The following CACNA1E variants were observed in gnomAD, a reference collection of about 807,000 sequenced individuals.
CACNA1E encodes the protein calcium voltage-gated channel subunit alpha1 E.
CACNA1E carries 40 observed loss-of-function variants against 259.2 expected under a neutral mutation model. That is an observed-to-expected ratio of 0.15 (90% CI 0.12 to 0.20). The LOEUF (loss-of-function observed/expected upper bound fraction) is 0.20. CACNA1E is among the 10% of genes least tolerant of loss of function. CACNA1E has a pLI of 1.00. For missense variants in CACNA1E, 1,874 were observed against 3,040.1 expected (o/e 0.62, Z 9.02); for synonymous variants, 1,104 against 1,138.5 (o/e 0.97, Z 0.61).
chr1:181,442,415 G>T (rs1457246292), intron 2 of CACNA1E, among the ~76,000 whole-genome samples: 2 of 151,546 alleles, frequency 1.3e-5, no homozygotes. Flanking sequence ...TGTGTGAAGG[G>T]TACAGGTATA....
chr1:181,678,726 CTG>C (rs201436804), intron 7 of CACNA1E, among the ~76,000 whole-genome samples: 1,710 of 152,300 alleles, frequency 0.011, 29 homozygotes, highest in African/African-American at 0.037. Context: ...ATTTAATTAG[CTG>C]TGTCACCTTG....
chr1:181,714,179 T>G (rs1234609554), intron 8 of CACNA1E, among the ~76,000 whole-genome samples: 1 of 152,186 alleles, frequency 6.6e-6, no homozygotes. Context: ...TCTGCCTGGC[T>G]GACTACAAAT....
At chr1:181,403,507 T>A (rs1657250949) in intron 1 of CACNA1E, among the ~76,000 whole-genome samples, 1 of 152,040 alleles carries the variant, frequency 6.6e-6, no homozygotes, top group African/African-American at 2.4e-5. Flanking sequence ...TCCATTATTC[T>A]GAGGATTGTT....
At position 181,338,865 on chromosome 1, in the gene CACNA1E, A is replaced by AT. The variant is rs201026797; in HGVS notation, c.-15+20751dup. 6.0e-3 allele frequency among the ~76,000 whole-genome samples: 878 copies of AT among 146,462 alleles called. 6 individuals are homozygous for AT. Among genetic ancestry groups the AT allele is most frequent in the African/African-American group, 0.021 (832 of 39,902 alleles). On this transcript the variant is annotated intron_variant, in intron 1 of 11. Transcript: ENST00000524607. The stretch of plus-strand genomic sequence containing the variant: ...TAGTGTAAATTAAGGGTCCAGTTTC[A>AT]TTTTTTTTTGCCTGTGGATATACAG...
chr1:181,750,372 C>A, intron 25 of CACNA1E, 104 bp from the exon 26 acceptor site: 1 of 965,662 alleles, frequency 1.0e-6, no homozygotes, highest in South Asian at 1.4e-5. Flanking sequence ...GTTCTCTTTT[C>A]TCCCTGAAGT....
chr1:181,434,946 A>G (rs971346694), intron 2 of CACNA1E, among the ~76,000 whole-genome samples: 14 of 152,224 alleles, frequency 9.2e-5, no homozygotes, highest in African/African-American at 2.7e-4. Context: ...CAGTGAAATC[A>G]TGTTGATAAG....
chr1:181,484,327 C>T lies in CACNA1E; in HGVS notation c.266+317C>T, dbSNP rs541585043. On this transcript the variant is annotated intron_variant, in intron 1 of 47. Coordinates refer to ENST00000367573, the MANE Select transcript of CACNA1E (RefSeq NM_001205293.3). ...TCCCCACCCCTACTCCCTTCACATG[C>T]CGCCCTCTACATAGATTGGGTTGCC... Among the ~76,000 whole-genome samples, 21 of 152,270 alleles carry T rather than the reference C, an allele frequency of 1.4e-4. No homozygotes were observed. In the East Asian group the frequency reaches 3.5e-3, roughly 25 times the overall value.
chr1:181,320,456 C>T (rs577179808), intron 1 of CACNA1E, among the ~76,000 whole-genome samples: 34 of 152,258 alleles, frequency 2.2e-4, no homozygotes, highest in Non-Finnish European at 3.4e-4. Flanking sequence ...TGATTGATTG[C>T]TTATTGCTAT....
intron 6 of CACNA1E, among the ~76,000 whole-genome samples, chr1:181,594,015 A>T (rs1425599783): frequency 6.6e-6 from 1 of 152,218 alleles, no homozygotes; most frequent in Non-Finnish European, 1.5e-5. Flanking sequence ...CTGGATTTAA[A>T]CATTGAAAAT....
intron 2 of CACNA1E, among the ~76,000 whole-genome samples, chr1:181,469,709 C>T (rs1422068821): frequency 6.6e-6 from 1 of 151,768 alleles, no homozygotes; most frequent in South Asian, 2.1e-4. Flanking sequence ...ATTTAGGAGG[C>T]AGGAGAAGGA....
Position 181,604,496 on chromosome 1 carries a change from T to G in CACNA1E, c.951+23720T>G, listed in dbSNP as rs374874928. On this transcript the variant is annotated intron_variant, in intron 6 of 47. Transcript: ENST00000367573. ...TGGAAAGTGGGAGGAGAAGGAGCAG[T>G]TGGGTTTGGCCCTTGCAGGCAGTAT... is the stretch of plus-strand genomic sequence containing the variant. Among the ~76,000 whole-genome samples, 6 of 152,148 alleles carry G rather than the reference T, an allele frequency of 3.9e-5. No individual in the cohort carries two copies. In the East Asian group the frequency reaches 9.6e-4, roughly 24 times the overall value.
intron 5 of CACNA1E, among the ~76,000 whole-genome samples, chr1:181,579,505 AAGCCATCTGTCT>A (rs1651306981): frequency 1.3e-5 from 2 of 152,288 alleles, no homozygotes; most frequent in African/African-American, 4.8e-5. Context: ...TGAACTTGAA[AAGCCATCTGTCT>A]GAGCCAGGCA....
chr1:181,545,337 C>G (rs1469544313), intron 3 of CACNA1E, among the ~76,000 whole-genome samples: 2 of 152,166 alleles, frequency 1.3e-5, no homozygotes, highest in South Asian at 4.1e-4. Flanking sequence ...TATTTTTTGA[C>G]TATTTGAAAT....
chr1:181,758,727 T>G lies in CACNA1E; in HGVS notation c.4495-31T>G. The G allele has an allele frequency of 2.4e-6, 3 of 1,263,120 alleles. No homozygotes were observed. The highest frequency in any genetic ancestry group is 3.5e-6 in the Non-Finnish European group (3 of 865,594). The allele number at this position is 1,263,120 out of a possible 1,614,324, so 78.2% of individuals were successfully genotyped here. A position where few individuals can be genotyped will look rare whatever the true frequency, so the allele number is the denominator to read the frequency against. On this transcript the variant is annotated intron_variant, in intron 31 of 47. Transcript: ENST00000367573. The surrounding 1 kb of genome is among the most constrained non-coding windows in gnomAD (Gnocchi z 4.2). Reference sequence around the variant, plus strand: ...TCCCCCTCTTACCTTAAGGCTGTGATTCTTTCTCTCTTCTTTTTTCTTCCT... The same window carrying G: ...TCCCCCTCTTACCTTAAGGCTGTGAGTCTTTCTCTCTTCTTTTTTCTTCCT...
rs577988892 is a variant in CACNA1E at position 181,803,230 on chromosome 1, G to T, written c.*4396G>T. ...GCACCGTCCAGGAGGTACAGGAGAGGACTTTATGATGCAGGAAAGAAGGAA... is the reference window on the plus strand; with the variant it reads ...GCACCGTCCAGGAGGTACAGGAGAGTACTTTATGATGCAGGAAAGAAGGAA... On this transcript the variant is annotated 3_prime_UTR_variant, in exon 48 of 48. Coordinates refer to ENST00000367573, the MANE Select transcript of CACNA1E (RefSeq NM_001205293.3). The T allele has an allele frequency of 2.0e-5, 3 of 151,966 alleles. No homozygotes were observed. In the East Asian group the frequency reaches 5.8e-4, roughly 29 times the overall value. The allele number at this position is 151,966 out of a possible 1,614,324, so 9.4% of individuals were successfully genotyped here. A position where few individuals can be genotyped will look rare whatever the true frequency, so the allele number is the denominator to read the frequency against.
At chr1:181,562,667 C>T (rs1649440357) in intron 3 of CACNA1E, among the ~76,000 whole-genome samples, 1 of 152,132 alleles carries the variant, frequency 6.6e-6, no homozygotes, top group Non-Finnish European at 1.5e-5. Flanking sequence ...GATTTTTGCC[C>T]TCAAGTTAAA....
At chr1:181,668,054 G>T (rs898681013) in intron 7 of CACNA1E, among the ~76,000 whole-genome samples, 1 of 152,084 alleles carries the variant, frequency 6.6e-6, no homozygotes, top group African/African-American at 2.4e-5. Context: ...ATTTGTGTGT[G>T]TAGTTCCATG....
At chr1:181,511,597 A>G (rs1380328665) in intron 3 of CACNA1E, 87 bp downstream of exon 3, 2 of 1,453,772 alleles carry the variant, frequency 1.4e-6, no homozygotes, top group Non-Finnish European at 1.9e-6. Flanking sequence ...CCTGGGGTGG[A>G]AAGACAGCAA....
At position 181,804,030 on chromosome 1, in the gene CACNA1E, A is replaced by T. The variant is rs1239354086; in HGVS notation, c.*5196A>T. 1.3e-5 allele frequency: 2 copies of T among 152,226 alleles called. No individual in the cohort carries two copies. Among genetic ancestry groups the T allele is most frequent in the African/African-American group, 4.8e-5 (2 of 41,466 alleles). 9.4% of individuals were successfully genotyped at this position (152,226 alleles called of 1,614,324 possible). A position where few individuals can be genotyped will look rare whatever the true frequency, so the allele number is the denominator to read the frequency against. ...AGTATCTTGAACTTCTAAATGCAAA[A>T]GGAGATTTTATAATAAGCCATGCTA... On this transcript the variant is annotated 3_prime_UTR_variant, in exon 48 of 48. Transcript: ENST00000367573.
Sources: gnomAD v4.1 joint callset for allele counts (sites outside exome capture counted in the v4.1 genomes callset) on GRCh38, gnomAD v4.1.1 for gene constraint, Gnocchi (gnomAD v3.1) non-coding constraint, MANE v1.5 for transcripts, NCBI Gene and HGNC (gene_info 2026-07-23, HGNC 2026-07-21) for gene names.